Variants in MYO15B observed in about 807,000 individuals in gnomAD.
MYO15B encodes myosin XVB, also known as myosin XVB pseudogene.
In MYO15B, 207 loss-of-function variants were observed where a neutral mutation model predicts 119.3. That is an observed-to-expected ratio of 1.73 (90% CI 1.55 to 1.95). The LOEUF (loss-of-function observed/expected upper bound fraction) is 1.95, where lower values mean the gene tolerates loss of function less well. Among genes scored for constraint, MYO15B ranks in the 30% most tolerant of loss-of-function variants. The pLI, the probability that MYO15B is intolerant of heterozygous loss-of-function variation, is 0.00. For missense variants in MYO15B, 2,264 were observed against 1,203.1 expected (o/e 1.88, Z -13.04); for synonymous variants, 966 against 498.9 (o/e 1.94, Z -12.48).
At position 75,619,565 on chromosome 17, in the gene MYO15B, G is replaced by A. The variant is rs574669939; in HGVS notation, c.7182+89G>A. The stretch of plus-strand genomic sequence containing the variant: ...GGCACAGACCACAAGCAGGAGAGCC[G>A]GGGAGCAGACGCCAGGGGAAGGACA... On this transcript the variant is annotated intron_variant, in intron 45 of 63. Transcript: ENST00000645453. 1,114 of 683,106 alleles carry A rather than the reference G, an allele frequency of 1.6e-3. 1 individual carries two copies. The highest frequency in any genetic ancestry group is 2.4e-3 in the Non-Finnish European group (892 of 373,480). 42.3% of individuals were successfully genotyped at this position (683,106 alleles called of 1,614,324 possible). A position where few individuals can be genotyped will look rare whatever the true frequency, so the allele number is the denominator to read the frequency against.
In MYO15B at chr17:75,626,245, C is replaced by T. The variant is rs1244147318; in HGVS notation, c.9213+17C>T. Reference sequence around the variant, plus strand: ...CTGCCACAGGTGAGTGGCCAGGCCTCTGGCCACCTTGCGAAGGTGGATGTG... The same window carrying T: ...CTGCCACAGGTGAGTGGCCAGGCCTTTGGCCACCTTGCGAAGGTGGATGTG... On this transcript the variant is annotated intron_variant, in intron 63 of 63. Coordinates refer to ENST00000645453, the Ensembl canonical transcript of MYO15B. The T allele has an allele frequency of 5.7e-6, 4 of 702,168 alleles. No homozygotes were observed. Among genetic ancestry groups the T allele is most frequent in the Non-Finnish European group, 1.0e-5 (4 of 384,682 alleles). The allele number at this position is 702,168 out of a possible 1,614,324, so 43.5% of individuals were successfully genotyped here.
chr17:75,623,724 A>C, intron 53 of MYO15B, 57 bp from the exon 54 acceptor site: 1 of 700,112 alleles, frequency 1.4e-6, no homozygotes, highest in Non-Finnish European at 2.6e-6. Flanking sequence ...CCAGGGCTTC[A>C]GACCCCAGGC....
chr17:75,620,758 G>A (rs988301836), intron 49 of MYO15B, 122 bp downstream of exon 49: 8 of 699,002 alleles, frequency 1.1e-5, no homozygotes, highest in Non-Finnish European at 1.8e-5. Context: ...GTCTCCTGTG[G>A]CTGCCCCTCT....
exon 48 of MYO15B, chr17:75,620,323 C>A: frequency 1.4e-6 from 1 of 702,990 alleles, no homozygotes; most frequent in South Asian, 1.5e-5. Context: ...GTGGGGACCT[C>A]ATCAAGCTGC....
chr17:75,590,471 T>C (rs1598685718), intron 1 of MYO15B, 155 bp from the exon 2 acceptor site: 1 of 392,712 alleles, frequency 2.5e-6, no homozygotes, highest in East Asian at 3.6e-5. Context: ...GCCCTCCTTG[T>C]AGCCTGCGCA....
exon 34 of MYO15B, chr17:75,615,301 C>T: frequency 1.4e-6 from 1 of 702,718 alleles, no homozygotes; most frequent in South Asian, 1.5e-5. Context: ...CACCCATGCC[C>T]ATGATGCCAG....
At chr17:75,607,431 A>AATTATT (rs71721337) in intron 21 of MYO15B, among the ~76,000 whole-genome samples, 230 of 140,468 alleles carry the variant, frequency 1.6e-3, no homozygotes, top group African/African-American at 4.5e-3. Context: ...GTTAATAATT[A>AATTATT]ATTATTATTA....
Position 75,612,017 on chromosome 17 carries a change from G to A in MYO15B, c.4635+1G>A, listed in dbSNP as rs879120983. On this transcript the variant is annotated splice_donor_variant, in intron 25 of 63. Transcript: ENST00000645453. LOFTEE classifies it high-confidence loss of function. ...CAGCTTCGTCGCCATCGGCTTTCAG[G>A]TGGGCGCCCAGGCCTAAGCTCTTCC... is the stretch of plus-strand genomic sequence containing the variant. The A allele has an allele frequency of 7.1e-6, 5 of 702,850 alleles. No homozygotes were observed. The highest frequency in any genetic ancestry group is 4.4e-5 in the South Asian group (3 of 67,596). 43.5% of individuals were successfully genotyped at this position (702,850 alleles called of 1,614,324 possible). A position where few individuals can be genotyped will look rare whatever the true frequency, so the allele number is the denominator to read the frequency against.
exon 23 of MYO15B, chr17:75,610,937 C>G: frequency 1.4e-6 from 1 of 703,008 alleles, no homozygotes; most frequent in Non-Finnish European, 2.6e-6. Context: ...AGCGAAAGGG[C>G]CTTGGAGAGA....
chr17:75,592,324 C>G, intron 7 of MYO15B, 23 bp downstream of exon 7: 1 of 702,688 alleles, frequency 1.4e-6, no homozygotes, highest in South Asian at 1.5e-5. Context: ...CTTCTATCCA[C>G]CCCTGCCCAG....
intron 53 of MYO15B, 61 bp downstream of exon 53, chr17:75,622,141 A>C: frequency 1.4e-6 from 1 of 694,942 alleles, no homozygotes; most frequent in Non-Finnish European, 2.6e-6. Flanking sequence ...GGCCTGAAGG[A>C]GATCCCCTTC....
rs561956145 is a variant in MYO15B at position 75,591,705 on chromosome 17, AGT to A, written c.2543_2544del (p.Cys848SerfsTer50). ...GAGCAGGATCAGACGGGGAACCGAG[AGT>A]GTCAGGTGAGGGCCAGGCTGGAGGT... On this transcript the variant is annotated frameshift_variant, in exon 5 of 64. Transcript: ENST00000645453. LOFTEE classifies it high-confidence loss of function. 125 of 702,892 alleles carry A rather than the reference AGT, an allele frequency of 1.8e-4. No individual in the cohort carries two copies. The African/African-American group carries it at 1.8e-3, about 10-fold the overall frequency. 43.5% of individuals were successfully genotyped at this position (702,892 alleles called of 1,614,324 possible).
rs1282463225 is a variant in MYO15B at position 75,617,202 on chromosome 17, C to T, written c.6712C>T (p.Leu2238=). The change falls in exon 41 of 64, where the codon CTG becomes TTG. Residue 2238 remains leucine, a synonymous_variant. Coordinates refer to ENST00000645453, the Ensembl canonical transcript of MYO15B. Reference sequence around the variant, plus strand: ...GGAAAAGCAGGGGCCCCTTCTGGACCTGTTTGGCCAGAAGCTGCCTATTGC... The same window carrying T: ...GGAAAAGCAGGGGCCCCTTCTGGACTTGTTTGGCCAGAAGCTGCCTATTGC... The T allele has an allele frequency of 2.3e-5, 16 of 697,522 alleles. No homozygotes were observed. In the Admixed American group the frequency reaches 3.3e-4, roughly 14 times the overall value. 43.2% of individuals were successfully genotyped at this position (697,522 alleles called of 1,614,324 possible).
chr17:75,617,419 C>G, intron 41 of MYO15B, 115 bp downstream of exon 41: 3 of 566,910 alleles, frequency 5.3e-6, no homozygotes, highest in Non-Finnish European at 9.3e-6. Flanking sequence ...GCCAGCTGTT[C>G]GGGCTTCTGG....
intron 21 of MYO15B, among the ~76,000 whole-genome samples, 191 bp downstream of exon 21, chr17:75,606,212 C>T (rs1406595388): frequency 6.6e-6 from 1 of 152,138 alleles, no homozygotes; most frequent in Non-Finnish European, 1.5e-5. Context: ...GCTTGAATAC[C>T]CCGGCCACAA....
At chr17:75,595,128 G>GTC in intron 12 of MYO15B, 156 bp downstream of exon 12, 1 of 614,850 alleles carries the variant, frequency 1.6e-6, no homozygotes, top group South Asian at 1.9e-5. Flanking sequence ...CTGCTGGGCT[G>GTC]AGCCTGCTGG....
At position 75,616,517 on chromosome 17, in the gene MYO15B, T is replaced by C. The variant is rs916446677; in HGVS notation, c.6245-7T>C. 1.4e-6 allele frequency: 1 copy of C among 699,732 alleles called. No individual in the cohort carries two copies. Among genetic ancestry groups the C allele is most frequent in the Non-Finnish European group, 2.6e-6 (1 of 383,010 alleles). 43.3% of individuals were successfully genotyped at this position (699,732 alleles called of 1,614,324 possible). ...GCGGTTAACAGTCTTTCCTGTTTCCTGGTCAGTGCCGTCCCCTCCTCCTCC... is the reference window on the plus strand; with the variant it reads ...GCGGTTAACAGTCTTTCCTGTTTCCCGGTCAGTGCCGTCCCCTCCTCCTCC... On this transcript the variant is annotated splice_region_variant and splice_polypyrimidine_tract_variant and intron_variant, in intron 38 of 63. Transcript: ENST00000645453.
intron 13 of MYO15B, 62 bp from the exon 14 acceptor site, chr17:75,596,706 T>C (rs1200405605): frequency 1.5e-6 from 1 of 677,694 alleles, no homozygotes; most frequent in Non-Finnish European, 2.7e-6. Flanking sequence ...CAATGTACTA[T>C]TCTATAAGAT....
exon 1 of MYO15B, chr17:75,588,500 G>C (rs538567128): frequency 1.0e-5 from 4 of 398,566 alleles, no homozygotes; most frequent in African/African-American, 8.2e-5. Flanking sequence ...AGCCTCAATG[G>C]GGACACGTCG....
Sources: allele counts gnomAD v4.1 joint callset (sites outside exome capture counted in the v4.1 genomes callset), GRCh38; gene constraint gnomAD v4.1.1; transcripts MANE v1.5; gene names NCBI Gene and HGNC (gene_info 2026-07-23, HGNC 2026-07-21).